Variants in AGPAT4 observed in about 807,000 individuals in gnomAD.
AGPAT4 encodes the protein 1-acyl-sn-glycerol-3-phosphate acyltransferase delta.
Under a neutral mutation model 48.0 loss-of-function variants are expected in AGPAT4, and 15 were observed. That is an observed-to-expected ratio of 0.31 (90% CI 0.21 to 0.48). AGPAT4 has a LOEUF of 0.48. AGPAT4 is among the 20% of genes least tolerant of loss of function. The probability of loss-of-function intolerance (pLI) is 0.99; values close to 1 mark genes in which losing one functional copy is unlikely to be tolerated. For synonymous variants in AGPAT4, 178 were observed against 198.7 expected (o/e 0.90, Z 0.88); for missense variants, 314 against 482.5 (o/e 0.65, Z 3.27).
intron 1 of AGPAT4, among the ~76,000 whole-genome samples, chr6:161,256,358 G>A (rs540986973): frequency 1.3e-5 from 2 of 152,332 alleles, no homozygotes; most frequent in East Asian, 1.9e-4. Context: ...TAGGCTTTGT[G>A]CCTAAGATTG....
rs935614389 is a variant in AGPAT4 at position 161,255,805 on chromosome 6, C to T, written c.-90+18133G>A. Among the ~76,000 whole-genome samples, 5 of 151,960 alleles carry T rather than the reference C, an allele frequency of 3.3e-5. No individual in the cohort carries two copies. The highest frequency in any genetic ancestry group is 7.3e-5 in the African/African-American group (3 of 41,322). Reference sequence around the variant, plus strand: ...TCTCAAAGTAGATAGTGGTGATGGTCGCACAACCATGAATATACAAAAAGC... The same window carrying T: ...TCTCAAAGTAGATAGTGGTGATGGTTGCACAACCATGAATATACAAAAAGC... On this transcript the variant is annotated intron_variant, in intron 1 of 8. Coordinates refer to ENST00000320285, the MANE Select transcript of AGPAT4 (RefSeq NM_020133.3). This position sits in a 1 kb window ranked among gnomAD's most constrained non-coding sequence, Gnocchi z 4.7.
In AGPAT4 at chr6:161,148,834, T is replaced by TA. The variant is rs1404650882; in HGVS notation, c.767+352dup. 6.6e-6 allele frequency among the ~76,000 whole-genome samples: 1 copy of TA among 152,196 alleles called. No individual in the cohort carries two copies. Among genetic ancestry groups the TA allele is most frequent in the Non-Finnish European group, 1.5e-5 (1 of 68,034 alleles). ...GCATTTGTGTCTAGACCGCCTTATA[T>TA]AAATACACATCTGTGTGTATTCCAT... On this transcript the variant is annotated intron_variant, in intron 6 of 8. Coordinates refer to ENST00000320285, the MANE Select transcript of AGPAT4 (RefSeq NM_020133.3). The surrounding 1 kb of genome is among the most constrained non-coding windows in gnomAD (Gnocchi z 5.5).
intron 2 of AGPAT4, among the ~76,000 whole-genome samples, chr6:161,187,504 CATTT>C (rs60104618): frequency 0.078 from 11,175 of 143,812 alleles, 498 homozygotes; most frequent in African/African-American, 0.094. Context: ...TCCTGAAGCC[CATTT>C]ATTTATTTAT....
At chr6:161,153,718 GT>G (rs1470447472) in intron 4 of AGPAT4, among the ~76,000 whole-genome samples, 1 of 147,570 alleles carries the variant, frequency 6.8e-6, no homozygotes, top group Non-Finnish European at 1.5e-5. Context: ...TGGCCCTGGG[GT>G]CACACACAGC....
rs1003884408 is a variant in AGPAT4 at position 161,161,714 on chromosome 6, G to C, written c.348+4534C>G. The C allele has an allele frequency of 5.9e-6, 2 of 340,804 alleles. No individual in the cohort carries two copies. Among genetic ancestry groups the C allele is most frequent in the African/African-American group, 4.3e-5 (2 of 46,550 alleles). 21.1% of individuals were successfully genotyped at this position (340,804 alleles called of 1,614,324 possible). ...TGTATGAAGAAGCTGGGGTAAAGGC[G>C]GTGAAATAATGCTGTGTTGCATGAA... On this transcript the variant is annotated intron_variant, in intron 3 of 8. Coordinates refer to ENST00000320285, the MANE Select transcript of AGPAT4 (RefSeq NM_020133.3). The surrounding 1 kb of genome is among the most constrained non-coding windows in gnomAD (Gnocchi z 4.6).
Position 161,139,586 on chromosome 6 carries a change from G to A in AGPAT4, c.878C>T (p.Thr293Ile), listed in dbSNP as rs1479412309. 2.5e-6 allele frequency: 4 copies of A among 1,613,516 alleles called. No individual in the cohort carries two copies. The highest frequency in any genetic ancestry group is 2.7e-5 in the African/African-American group (2 of 75,022). Residue 293 changes from threonine to isoleucine, a missense_variant, in exon 8 of 9, where the codon ACC (threonine) becomes ATC (isoleucine). Physicochemically the swap from Thr to Ile is moderately conservative, Grantham distance 89 (BLOSUM62 -1). Coordinates refer to ENST00000320285, the MANE Select transcript of AGPAT4 (RefSeq NM_020133.3). This position sits in a 1 kb window ranked among gnomAD's most constrained non-coding sequence, Gnocchi z 9.1. ...GGGCACCATGGGCGTCTCTGGGAAGGTGCCCGTCCTGTAGTACTCCTCCTG... is the reference window on the plus strand; with the variant it reads ...GGGCACCATGGGCGTCTCTGGGAAGATGCCCGTCCTGTAGTACTCCTCCTG... ...AFQEEYYRTGTFPETPMVPPR... is the reference protein window; with the variant it reads ...AFQEEYYRTGIFPETPMVPPR...
At position 161,240,167 on chromosome 6, in the gene AGPAT4, A is replaced by T. The variant is rs1010211138; in HGVS notation, c.-89-7865T>A. Among the ~76,000 whole-genome samples the T allele has an allele frequency of 2.0e-5, 3 of 151,968 alleles. No homozygotes were observed. Among genetic ancestry groups the T allele is most frequent in the African/African-American group, 4.8e-5 (2 of 41,366 alleles). ...AAAATAATCACAACTCTAAAAAAAA[A>T]ACCGGAAGAAAAGAAAGCCTTACCA... On this transcript the variant is annotated intron_variant, in intron 1 of 8. Coordinates refer to ENST00000320285, the MANE Select transcript of AGPAT4 (RefSeq NM_020133.3). This position sits in a 1 kb window ranked among gnomAD's most constrained non-coding sequence, Gnocchi z 5.5.
chr6:161,258,846 GA>G (rs1385146338), intron 1 of AGPAT4, among the ~76,000 whole-genome samples: 7 of 151,308 alleles, frequency 4.6e-5, no homozygotes, highest in East Asian at 1.9e-4. Flanking sequence ...GCCCAGGCTG[GA>G]AGTGCAGTGG....
At chr6:161,263,363 C>T (rs1036726365) in intron 1 of AGPAT4, among the ~76,000 whole-genome samples, 3 of 152,102 alleles carry the variant, frequency 2.0e-5, no homozygotes, top group African/African-American at 7.2e-5. Flanking sequence ...TGGTGGCGGG[C>T]ACCTGTAATC....
intron 5 of AGPAT4, among the ~76,000 whole-genome samples, chr6:161,153,036 C>T (rs1355041337): frequency 2.6e-5 from 4 of 152,170 alleles, no homozygotes; most frequent in Admixed American, 6.5e-5. Flanking sequence ...CTGTCTTGGG[C>T]CTGCAGGCCT....
In AGPAT4 at chr6:161,166,489, C is replaced by A. The variant is rs983124182; in HGVS notation, c.179-72G>T. The A allele has an allele frequency of 6.7e-7, 1 of 1,499,830 alleles. No individual in the cohort carries two copies. Among genetic ancestry groups the A allele is most frequent in the African/African-American group, 1.4e-5 (1 of 71,194 alleles). The allele number at this position is 1,499,830 out of a possible 1,614,324, so 92.9% of individuals were successfully genotyped here. The stretch of plus-strand genomic sequence containing the variant: ...CCTGGGAGCCCTGCTGAGAGCAGGG[C>A]TCTGCCCTCCCAGCTAGGGGAGAAA... On this transcript the variant is annotated intron_variant, in intron 2 of 8. Coordinates refer to ENST00000320285, the MANE Select transcript of AGPAT4 (RefSeq NM_020133.3). This position sits in a 1 kb window ranked among gnomAD's most constrained non-coding sequence, Gnocchi z 6.7.
At chr6:161,192,309 C>T (rs1023378218) in intron 2 of AGPAT4, among the ~76,000 whole-genome samples, 5 of 152,102 alleles carry the variant, frequency 3.3e-5, no homozygotes, top group Middle Eastern at 6.8e-3. Flanking sequence ...TGCCACCACA[C>T]GCAGCTAATT....
rs1400845732 is a variant in AGPAT4, at chr6:161,273,925, C to T, written c.-90+13G>A. ...CGGGGAAGGTGCCTGCGAACGGCAC[C>T]AGGACCACATACCTCCTTCCTGGCA... On this transcript the variant is annotated intron_variant, in intron 1 of 8. Coordinates refer to ENST00000320285, the MANE Select transcript of AGPAT4 (RefSeq NM_020133.3). 1 of 152,096 alleles carries T rather than the reference C, an allele frequency of 6.6e-6. No homozygotes were observed. Among genetic ancestry groups the T allele is most frequent in the Non-Finnish European group, 1.5e-5 (1 of 68,094 alleles). 9.4% of individuals were successfully genotyped at this position (152,096 alleles called of 1,614,324 possible).
chr6:161,177,245 G>A lies in AGPAT4; in HGVS notation c.179-10828C>T, dbSNP rs572233199. Among the ~76,000 whole-genome samples, 8 of 152,252 alleles carry A rather than the reference G, an allele frequency of 5.3e-5. No individual in the cohort carries two copies. Among genetic ancestry groups the A allele is most frequent in the East Asian group, 3.9e-4 (2 of 5,172 alleles). On this transcript the variant is annotated intron_variant, in intron 2 of 8. Transcript: ENST00000320285. This position sits in a 1 kb window ranked among gnomAD's most constrained non-coding sequence, Gnocchi z 5.0. ...AATATCCTGTAGAGTGTTTTCCAACGTGGTTCCATTCTCCCCGTCACTTTC... is the reference window on the plus strand; with the variant it reads ...AATATCCTGTAGAGTGTTTTCCAACATGGTTCCATTCTCCCCGTCACTTTC...
Position 161,232,371 on chromosome 6 carries a change from T to C in AGPAT4, c.-89-69A>G. ...GCTTTTAGAGTCAGAAAAAAAGTGC[T>C]CTGAAAAGAAAAATATACACTTGAG... On this transcript the variant is annotated intron_variant, in intron 1 of 8. Transcript: ENST00000320285. This position sits in a 1 kb window ranked among gnomAD's most constrained non-coding sequence, Gnocchi z 6.8. 3 of 684,350 alleles carry C rather than the reference T, an allele frequency of 4.4e-6. No homozygotes were observed. Among genetic ancestry groups the C allele is most frequent in the Non-Finnish European group, 7.1e-6 (3 of 420,236 alleles). The allele number at this position is 684,350 out of a possible 1,614,324, so 42.4% of individuals were successfully genotyped here. A position where few individuals can be genotyped will look rare whatever the true frequency, so the allele number is the denominator to read the frequency against.
Position 161,197,971 on chromosome 6 carries a change from A to C in AGPAT4, c.179-31554T>G, listed in dbSNP as rs1426595634. On this transcript the variant is annotated intron_variant, in intron 2 of 8. Transcript: ENST00000320285. The surrounding 1 kb of genome is among the most constrained non-coding windows in gnomAD (Gnocchi z 5.7). Reference sequence around the variant, plus strand: ...GCAACTTGTTGGTTCTATTTTAATAAGTTCCCTTTTTGATACGATGCATTT... The same window carrying C: ...GCAACTTGTTGGTTCTATTTTAATACGTTCCCTTTTTGATACGATGCATTT... Among the ~76,000 whole-genome samples, 1 of 152,164 alleles carries C rather than the reference A, an allele frequency of 6.6e-6. No homozygotes were observed. The highest frequency in any genetic ancestry group is 1.9e-4 in the East Asian group (1 of 5,196).
rs777343677 is a variant in AGPAT4 at position 161,231,989 on chromosome 6, C to T, written c.178+47G>A. 2 of 1,568,638 alleles carry T rather than the reference C, an allele frequency of 1.3e-6. No homozygotes were observed. Among genetic ancestry groups the T allele is most frequent in the South Asian group, 1.2e-5 (1 of 86,812 alleles). ...CATATCAAGAGCCATAATTCTGATA[C>T]ACACATCCACAATGGAGACGAAAAT... On this transcript the variant is annotated intron_variant, in intron 2 of 8. Coordinates refer to ENST00000320285, the MANE Select transcript of AGPAT4 (RefSeq NM_020133.3). This position sits in a 1 kb window ranked among gnomAD's most constrained non-coding sequence, Gnocchi z 5.3.
intron 2 of AGPAT4, among the ~76,000 whole-genome samples, chr6:161,181,063 G>A (rs2114992360): frequency 6.6e-6 from 1 of 152,268 alleles, no homozygotes; most frequent in East Asian, 1.9e-4. Flanking sequence ...TCAGCTCTGT[G>A]AGAGGGTCTG....
rs1350502114 is a variant in AGPAT4, at chr6:161,233,612, T to G, written c.-89-1310A>C. On this transcript the variant is annotated intron_variant, in intron 1 of 8. Transcript: ENST00000320285. The surrounding 1 kb of genome is among the most constrained non-coding windows in gnomAD (Gnocchi z 5.4). ...TCTGTTTTTCACTTTCAGTACAGTA[T>G]TCAATAAATTACAAGGCCTATTCAG... Among the ~76,000 whole-genome samples the G allele has an allele frequency of 3.3e-5, 5 of 152,244 alleles. No individual in the cohort carries two copies. Among genetic ancestry groups the G allele is most frequent in the Admixed American group, 2.6e-4 (4 of 15,286 alleles).
Sources: allele counts gnomAD v4.1 joint callset (sites outside exome capture counted in the v4.1 genomes callset), GRCh38; gene constraint gnomAD v4.1.1; non-coding constraint Gnocchi (gnomAD v3.1); transcripts MANE v1.5; gene names NCBI Gene and HGNC (gene_info 2026-07-23, HGNC 2026-07-21).